CACNA1C: variants seen among roughly 807,000 people sequenced by gnomAD.
CACNA1C encodes the protein voltage-dependent L-type calcium channel subunit alpha-1C.
Under a neutral mutation model 229.0 loss-of-function variants are expected in CACNA1C, and 30 were observed. The observed-to-expected ratio is 0.13, with a 90% confidence interval of 0.10 to 0.18. The LOEUF (loss-of-function observed/expected upper bound fraction) is 0.18. CACNA1C is among the 10% of genes least tolerant of loss of function. The probability of loss-of-function intolerance (pLI) is 1.00; values close to 1 mark genes in which losing one functional copy is unlikely to be tolerated. For synonymous variants in CACNA1C, 1,114 were observed against 1,132.5 expected (o/e 0.98, Z 0.33); for missense variants, 1,658 against 2,845.0 (o/e 0.58, Z 9.49).
In CACNA1C at chr12:2,575,512, C is replaced by T. The variant is rs2058072644; in HGVS notation, c.1896-6078C>T. On this transcript the variant is annotated intron_variant, in intron 13 of 46. Coordinates refer to ENST00000399655, the MANE Select transcript of CACNA1C (RefSeq NM_000719.7). The surrounding 1 kb of genome is among the most constrained non-coding windows in gnomAD (Gnocchi z 4.0). ...GGATTCTACCTGCTTCCCCAGGTGG[C>T]CTCAGCCAATTCTCACTCCTCTTCA... 6.6e-6 allele frequency among the ~76,000 whole-genome samples: 1 copy of T among 152,298 alleles called. No individual in the cohort carries two copies. The highest frequency in any genetic ancestry group is 3.4e-3 in the Middle Eastern group (1 of 294).
rs1417907220 is a variant in CACNA1C at position 2,091,156 on chromosome 12, G to A, written c.50-24068G>A. 2.0e-5 allele frequency among the ~76,000 whole-genome samples: 3 copies of A among 152,196 alleles called. No homozygotes were observed. The East Asian group carries it at 5.8e-4, about 29-fold the overall frequency. ...CCAGATCAACCCTGCACCAGCAGAG[G>A]CATAGGGCAGCAGGGGCTTCTCCCT... On this transcript the variant is annotated intron_variant, in intron 1 of 46. Transcript: ENST00000399655.
intron 1 of CACNA1C, among the ~76,000 whole-genome samples, chr12:2,073,799 A>T (rs1452564952): frequency 1.3e-5 from 2 of 152,308 alleles, no homozygotes; most frequent in African/African-American, 4.8e-5. Flanking sequence ...CCTGTGGATG[A>T]TTTTGCCCAG....
At chr12:2,039,771 G>A (rs1480838851) in intron 1 of CACNA1C, among the ~76,000 whole-genome samples, 2 of 152,172 alleles carry the variant, frequency 1.3e-5, no homozygotes, top group Non-Finnish European at 2.9e-5. Context: ...CAGTTTGGGT[G>A]TGGGAGGGGA....
At chr12:2,182,260 A>G (rs550036732) in intron 3 of CACNA1C, among the ~76,000 whole-genome samples, 86 of 152,314 alleles carry the variant, frequency 5.6e-4, no homozygotes, top group Middle Eastern at 3.4e-3. Context: ...GGTGAAAGCC[A>G]AACACAGGCT....
rs544536489 is a variant in CACNA1C at position 2,038,039 on chromosome 12, C to G, written c.139+66838C>G. 7.2e-5 allele frequency among the ~76,000 whole-genome samples: 11 copies of G among 152,274 alleles called. No homozygotes were observed. In the South Asian group the frequency reaches 8.3e-4, roughly 11 times the overall value. On this transcript the variant is annotated intron_variant, in intron 1 of 46. Coordinates refer to the CACNA1C transcript ENST00000682462. ...ATATTCTTTTCTCTCATTAAAGCTT[C>G]CTTTTCTCTGCATTTCCCTTCACTC...
At chr12:2,514,906 C>A (rs1433542446) in intron 9 of CACNA1C, among the ~76,000 whole-genome samples, 1 of 152,192 alleles carries the variant, frequency 6.6e-6, no homozygotes, top group African/African-American at 2.4e-5. Flanking sequence ...TGGAGCAGAT[C>A]ACACTGACAA....
intron 1 of CACNA1C, among the ~76,000 whole-genome samples, chr12:2,006,472 C>T (rs1169094995): frequency 6.6e-6 from 1 of 151,998 alleles, no homozygotes; most frequent in Non-Finnish European, 1.5e-5. Flanking sequence ...AGTCTTGAGA[C>T]TAAAAAGTTG....
chr12:2,022,062 G>T (rs1221424902), intron 1 of CACNA1C, among the ~76,000 whole-genome samples: 1 of 152,158 alleles, frequency 6.6e-6, no homozygotes, highest in Non-Finnish European at 1.5e-5. Context: ...AGGTGGAGTT[G>T]GCAAGTTCTC....
chr12:2,196,752 G>A (rs1330384174), intron 3 of CACNA1C, among the ~76,000 whole-genome samples: 1 of 152,222 alleles, frequency 6.6e-6, no homozygotes, highest in Non-Finnish European at 1.5e-5. Flanking sequence ...GGGCCATGAG[G>A]AGCAAGAGGT....
At chr12:2,574,162 G>A (rs1288716734) in intron 13 of CACNA1C, among the ~76,000 whole-genome samples, 2 of 152,188 alleles carry the variant, frequency 1.3e-5, no homozygotes, top group African/African-American at 4.8e-5. Context: ...CAAGATTCCT[G>A]CTCATTGAAA....
At chr12:2,355,544 C>T (rs2097336489) in intron 3 of CACNA1C, among the ~76,000 whole-genome samples, 1 of 152,326 alleles carries the variant, frequency 6.6e-6, no homozygotes, top group Admixed American at 6.5e-5. Flanking sequence ...TGAGACTTGT[C>T]AAAACCCTAC....
chr12:1,976,194 A>C (rs1387861332), intron 1 of CACNA1C, among the ~76,000 whole-genome samples: 2 of 152,200 alleles, frequency 1.3e-5, no homozygotes, highest in Non-Finnish European at 2.9e-5. Context: ...CACAGTGACA[A>C]GTTTCATCAC....
At chr12:2,686,330 T>C in intron 45 of CACNA1C, 61 bp downstream of exon 45, 1 of 1,295,972 alleles carries the variant, frequency 7.7e-7, no homozygotes, top group Non-Finnish European at 1.1e-6. Context: ...GTCCCCAGGG[T>C]GACGGACAAA....
intron 1 of CACNA1C, among the ~76,000 whole-genome samples, chr12:2,090,608 G>A (rs11062118): frequency 0.041 from 6,270 of 152,148 alleles, 204 homozygotes; most frequent in African/African-American, 0.09. Flanking sequence ...ATGAGCCACC[G>A]TGCCCAGCCA....
intron 3 of CACNA1C, among the ~76,000 whole-genome samples, chr12:2,422,747 C>T (rs913602508): frequency 2.0e-5 from 3 of 152,188 alleles, no homozygotes; most frequent in African/African-American, 7.2e-5. Context: ...GCAGCAGCTG[C>T]TGGAGTGCTG....
At chr12:2,254,458 C>G (rs560040189) in intron 3 of CACNA1C, among the ~76,000 whole-genome samples, 79 of 152,268 alleles carry the variant, frequency 5.2e-4, no homozygotes, top group Non-Finnish European at 5.6e-4. Flanking sequence ...TTCTGTTTTC[C>G]TCTTAGTATG....
At chr12:2,242,606 G>A (rs529049636) in intron 3 of CACNA1C, among the ~76,000 whole-genome samples, 2 of 152,236 alleles carry the variant, frequency 1.3e-5, no homozygotes, top group Non-Finnish European at 2.9e-5. Flanking sequence ...TCTACTTCAG[G>A]GAGTCTTCCT....
At chr12:2,542,487 C>T (rs1402546135) in intron 9 of CACNA1C, among the ~76,000 whole-genome samples, 6 of 152,246 alleles carry the variant, frequency 3.9e-5, no homozygotes, top group East Asian at 1.9e-4. Context: ...AAGCCTGGCC[C>T]GCTGATCAGT....
At chr12:2,036,666 A>G (rs1211211965) in intron 1 of CACNA1C, among the ~76,000 whole-genome samples, 1 of 152,174 alleles carries the variant, frequency 6.6e-6, no homozygotes, top group African/African-American at 2.4e-5. Context: ...GGGTTTCACC[A>G]TGTTGGTCAG....
Sources: allele counts gnomAD v4.1 joint callset (sites outside exome capture counted in the v4.1 genomes callset), GRCh38; gene constraint gnomAD v4.1.1; non-coding constraint Gnocchi (gnomAD v3.1); transcripts MANE v1.5; gene names NCBI Gene and HGNC (gene_info 2026-07-23, HGNC 2026-07-21).